GRB10: variants seen among roughly 807,000 people sequenced by gnomAD.
GRB10 encodes the protein growth factor receptor bound protein 10, also known as growth factor receptor-bound protein 10.
In GRB10, 20 loss-of-function variants were observed where a neutral mutation model predicts 80.9. The ratio of observed to expected loss-of-function variants is 0.25; its 90% CI spans 0.17 to 0.36. The LOEUF is 0.36. Ranked by LOEUF, GRB10 falls within the 10% of genes least tolerant of loss-of-function variation. The pLI is 1.00. For missense variants in GRB10, 548 were observed against 747.7 expected, an observed-to-expected ratio of 0.73 and a Z score of 3.12; for synonymous variants, 291 against 291.5, an observed-to-expected ratio of 1.00 and a Z score of 0.02.
intron 7 of GRB10, among the ~76,000 whole-genome samples, chr7:50,651,348 G>A (rs1398113579): frequency 2.6e-5 from 4 of 152,188 alleles, no homozygotes; most frequent in Non-Finnish European, 4.4e-5. Context: ...GGAGGTTCTG[G>A]CGGCTGCTGG....
intron 4 of GRB10, among the ~76,000 whole-genome samples, chr7:50,713,303 G>A (rs576135726): frequency 1.9e-4 from 28 of 151,198 alleles, no homozygotes; most frequent in African/African-American, 6.6e-4. Context: ...CTCCCCTCCC[G>A]ACATTTCCAC....
chr7:50,768,917 G>A (rs2076674008), intron 2 of GRB10, among the ~76,000 whole-genome samples: 3 of 152,282 alleles, frequency 2.0e-5, no homozygotes, highest in African/African-American at 7.2e-5. Flanking sequence ...ATTTCAGGAC[G>A]TTTACTTCTT....
At position 50,696,623 on chromosome 7, in the gene GRB10, A is replaced by G. The variant is rs967746591; in HGVS notation, c.139+7198T>C. Among the ~76,000 whole-genome samples the G allele has an allele frequency of 9.9e-5, 15 of 152,232 alleles. No homozygotes were observed. In the South Asian group the frequency reaches 2.5e-3, roughly 25 times the overall value. On this transcript the variant is annotated intron_variant, in intron 5 of 18. Coordinates refer to ENST00000401949, the MANE Select transcript of GRB10 (RefSeq NM_001350814.2). ...TCAACCCTTTGGGCATCTTTACTCAATTGGGTTCCTGGTGAGAGGCATGGC... is the reference window on the plus strand; with the variant it reads ...TCAACCCTTTGGGCATCTTTACTCAGTTGGGTTCCTGGTGAGAGGCATGGC...
At chr7:50,606,765 T>C in intron 13 of GRB10, 1 of 327,468 alleles carries the variant, frequency 3.1e-6, no homozygotes, top group Non-Finnish European at 5.9e-6. Context: ...AAAAATGTTA[T>C]TAAGAAAATC....
At chr7:50,724,720 G>A (rs560411691) in intron 4 of GRB10, among the ~76,000 whole-genome samples, 12 of 152,308 alleles carry the variant, frequency 7.9e-5, no homozygotes, top group Non-Finnish European at 1.5e-4. Flanking sequence ...GAAGGAGCTG[G>A]GGGCTGGCTG....
intron 1 of GRB10, chr7:50,792,613 G>T (rs1248101593): frequency 5.3e-5 from 21 of 397,630 alleles, no homozygotes; most frequent in Non-Finnish European, 8.9e-5. Context: ...CTTGGTGTTA[G>T]GCCCCAGCGG....
chr7:50,709,381 C>T (rs2065516751), intron 4 of GRB10, among the ~76,000 whole-genome samples: 1 of 152,172 alleles, frequency 6.6e-6, no homozygotes, highest in African/African-American at 2.4e-5. Context: ...CAGTGGTGGG[C>T]GGCCGAGGGA....
At chr7:50,775,028 G>A (rs1278980889) in intron 2 of GRB10, among the ~76,000 whole-genome samples, 1 of 150,796 alleles carries the variant, frequency 6.6e-6, no homozygotes, top group African/African-American at 2.4e-5. Flanking sequence ...GGGCGTGATG[G>A]CACACGCCTG....
intron 2 of GRB10, among the ~76,000 whole-genome samples, chr7:50,758,770 G>A (rs1178072077): frequency 3.9e-5 from 6 of 152,200 alleles, no homozygotes; most frequent in Non-Finnish European, 8.8e-5. Context: ...GGGTGCTTAT[G>A]AAGACAAATT....
chr7:50,677,809 T>C (rs1243731622), intron 5 of GRB10, among the ~76,000 whole-genome samples: 1 of 152,248 alleles, frequency 6.6e-6, no homozygotes, highest in African/African-American at 2.4e-5. Context: ...TCTTGGGTGA[T>C]GCAGGTTGGT....
intron 4 of GRB10, among the ~76,000 whole-genome samples, chr7:50,708,909 C>T (rs1331498630): frequency 2.0e-5 from 3 of 152,072 alleles, no homozygotes; most frequent in African/African-American, 2.4e-5. Flanking sequence ...CTCCTGACCT[C>T]GTGATCCGTC....
At chr7:50,679,827 C>T (rs2061359566) in intron 5 of GRB10, among the ~76,000 whole-genome samples, 1 of 152,214 alleles carries the variant, frequency 6.6e-6, no homozygotes, top group Non-Finnish European at 1.5e-5. Flanking sequence ...AAGTGAAGGT[C>T]AGGCTGCAAA....
Position 50,666,897 on chromosome 7 carries a change from G to A in GRB10, c.504+2825C>T, listed in dbSNP as rs114418348. Among the ~76,000 whole-genome samples the A allele has an allele frequency of 2.7e-3, 404 of 152,090 alleles. 1 individual carries two copies. Among genetic ancestry groups the A allele is most frequent in the Middle Eastern group, 3.4e-3 (1 of 294 alleles). The stretch of plus-strand genomic sequence containing the variant: ...CTACTAAAAATACAAAAAATTAGCC[G>A]GGCGTGGTGGCGGGCGCCTGTAGTC... On this transcript the variant is annotated intron_variant, in intron 7 of 18. Transcript: ENST00000401949.
chr7:50,764,602 A>G (rs1181446124), intron 2 of GRB10, among the ~76,000 whole-genome samples: 1 of 152,206 alleles, frequency 6.6e-6, no homozygotes, highest in Admixed American at 6.5e-5. Flanking sequence ...GGCAGCTGTG[A>G]AAGTGGCTCA....
intron 7 of GRB10, among the ~76,000 whole-genome samples, chr7:50,663,764 C>T (rs1280415847): frequency 3.9e-5 from 6 of 152,222 alleles, no homozygotes; most frequent in African/African-American, 1.4e-4. Context: ...GCCATCATCC[C>T]AGCTTGCTGA....
At chr7:50,682,139 C>T (rs2061609223) in intron 5 of GRB10, among the ~76,000 whole-genome samples, 1 of 152,220 alleles carries the variant, frequency 6.6e-6, no homozygotes, top group African/African-American at 2.4e-5. Context: ...ACCTGAAGGG[C>T]ATAAGGGAAT....
intron 17 of GRB10, among the ~76,000 whole-genome samples, chr7:50,603,320 G>A (rs1159907912): frequency 6.6e-6 from 1 of 152,204 alleles, no homozygotes; most frequent in Non-Finnish European, 1.5e-5. Context: ...TTCAAGTGTG[G>A]TCTTGGGATT....
chr7:50,663,674 T>A (rs1408253819), intron 7 of GRB10, among the ~76,000 whole-genome samples: 2 of 152,216 alleles, frequency 1.3e-5, no homozygotes, highest in South Asian at 4.1e-4. Flanking sequence ...GCAGCTGCCA[T>A]CCTCTTGGTG....
intron 4 of GRB10, among the ~76,000 whole-genome samples, chr7:50,722,621 C>A (rs2067940596): frequency 6.6e-6 from 1 of 151,982 alleles, no homozygotes; most frequent in African/African-American, 2.4e-5. Flanking sequence ...GTGATGCGAG[C>A]CAGGGTGACA....
Sources: allele counts gnomAD v4.1 joint callset (sites outside exome capture counted in the v4.1 genomes callset), GRCh38; gene constraint gnomAD v4.1.1; transcripts MANE v1.5; gene names NCBI Gene and HGNC (gene_info 2026-07-23, HGNC 2026-07-21).